NRXN3: variants seen among roughly 807,000 people sequenced by gnomAD.
NRXN3 encodes the protein neurexin 3, also known as neurexin III.
In NRXN3, 32 loss-of-function variants were observed where a neutral mutation model predicts 137.6. That is an observed-to-expected ratio of 0.23 (90% CI 0.18 to 0.31). The LOEUF (loss-of-function observed/expected upper bound fraction) is 0.31. Ranked by LOEUF, NRXN3 falls within the 10% of genes least tolerant of loss-of-function variation. The probability of loss-of-function intolerance (pLI) is 1.00; values close to 1 mark genes in which losing one functional copy is unlikely to be tolerated. For missense variants in NRXN3, 1,574 were observed against 2,062.5 expected, an observed-to-expected ratio of 0.76 and a Z score of 4.59; for synonymous variants, 798 against 784.5, an observed-to-expected ratio of 1.02 and a Z score of -0.29.
chr14:78,917,298 G>C (rs953753711), intron 10 of NRXN3, among the ~76,000 whole-genome samples: 2 of 152,088 alleles, frequency 1.3e-5, no homozygotes, highest in African/African-American at 4.8e-5. Context: ...AAAACACTGG[G>C]GCTTACTTCA....
chr14:78,812,153 A>G (rs984242154), intron 10 of NRXN3, among the ~76,000 whole-genome samples: 1 of 152,114 alleles, frequency 6.6e-6, no homozygotes, highest in Admixed American at 6.6e-5. Context: ...CATCATCCCC[A>G]AGATTTCTTT....
chr14:79,252,234 A>G (rs1015962705), intron 15 of NRXN3, among the ~76,000 whole-genome samples: 1 of 152,166 alleles, frequency 6.6e-6, no homozygotes, highest in African/African-American at 2.4e-5. Flanking sequence ...GCATAACACT[A>G]ATGCATAATA....
At chr14:78,666,076 A>G (rs1054062775) in intron 6 of NRXN3, among the ~76,000 whole-genome samples, 1 of 152,136 alleles carries the variant, frequency 6.6e-6, no homozygotes, top group Non-Finnish European at 1.5e-5. Flanking sequence ...TTCTTGCAGT[A>G]TATATCTATA....
intron 4 of NRXN3, among the ~76,000 whole-genome samples, chr14:78,560,414 G>A (rs2096775883): frequency 6.6e-6 from 1 of 152,186 alleles, no homozygotes; most frequent in African/African-American, 2.4e-5. Context: ...CAACCTTGCT[G>A]GGCAGAGTGC....
At chr14:79,529,456 T>G (rs932127111) in intron 16 of NRXN3, among the ~76,000 whole-genome samples, 2 of 152,212 alleles carry the variant, frequency 1.3e-5, no homozygotes, top group Non-Finnish European at 2.9e-5. Flanking sequence ...TGTTTTTTCT[T>G]AAAACAGGTA....
At chr14:78,615,619 C>T (rs1007381751) in intron 4 of NRXN3, among the ~76,000 whole-genome samples, 1 of 151,308 alleles carries the variant, frequency 6.6e-6, no homozygotes, top group South Asian at 2.1e-4. Flanking sequence ...TCAAAAACAA[C>T]AACAACAACA....
At chr14:78,515,922 A>G (rs1435691941) in intron 4 of NRXN3, among the ~76,000 whole-genome samples, 1 of 152,144 alleles carries the variant, frequency 6.6e-6, no homozygotes, top group Non-Finnish European at 1.5e-5. Context: ...TCCAAATTGG[A>G]TGAGCGCCTT....
chr14:78,893,606 C>A (rs1337330261), intron 10 of NRXN3, among the ~76,000 whole-genome samples: 1 of 151,966 alleles, frequency 6.6e-6, no homozygotes, highest in Non-Finnish European at 1.5e-5. Flanking sequence ...TCCCCACATC[C>A]TAATGGAATT....
intron 15 of NRXN3, among the ~76,000 whole-genome samples, chr14:79,119,190 A>T (rs1306129311): frequency 6.6e-6 from 1 of 152,186 alleles, no homozygotes; most frequent in East Asian, 1.9e-4. Flanking sequence ...ACTTAAACTT[A>T]AATCTATAGT....
intron 15 of NRXN3, among the ~76,000 whole-genome samples, chr14:79,061,623 G>C (rs972530750): frequency 6.6e-6 from 1 of 152,184 alleles, no homozygotes; most frequent in Non-Finnish European, 1.5e-5. Context: ...GTGAAACAAT[G>C]AACTGGCATT....
intron 16 of NRXN3, among the ~76,000 whole-genome samples, chr14:79,592,691 TAAGTA>T (rs1274791496): frequency 7.2e-5 from 11 of 152,150 alleles, no homozygotes; most frequent in Non-Finnish European, 1.3e-4. Flanking sequence ...TTCACTTTCT[TAAGTA>T]AAGAAAAACA....
At chr14:78,197,225 C>T (rs578026734) in intron 1 of NRXN3, among the ~76,000 whole-genome samples, 2 of 152,320 alleles carry the variant, frequency 1.3e-5, no homozygotes, top group East Asian at 1.9e-4. Context: ...CGCTCAGTGG[C>T]GTGCATGCAT....
intron 15 of NRXN3, among the ~76,000 whole-genome samples, chr14:79,053,418 C>A (rs895436505): frequency 6.6e-6 from 1 of 152,154 alleles, no homozygotes; most frequent in Non-Finnish European, 1.5e-5. Context: ...GGCTCCCTGG[C>A]TCCAAAGCTC....
intron 16 of NRXN3, among the ~76,000 whole-genome samples, chr14:79,585,683 T>TAAAAA (rs1264605001): frequency 0.018 from 1,357 of 75,536 alleles, 71 homozygotes; most frequent in African/African-American, 0.063. Context: ...GACTCCATCT[T>TAAAAA]AAAAAAAAAA....
At chr14:78,279,513 A>T (rs1272610548) in intron 3 of NRXN3, 1 of 152,218 alleles carries the variant, frequency 6.6e-6, no homozygotes, top group Non-Finnish European at 1.5e-5. Context: ...GTGTTTTCAC[A>T]TGTTTTCTTG....
chr14:78,331,699 A>G (rs553660291), intron 4 of NRXN3, among the ~76,000 whole-genome samples: 4 of 152,322 alleles, frequency 2.6e-5, no homozygotes, highest in African/African-American at 7.2e-5. Flanking sequence ...TTCACTTCCA[A>G]AGAAATGACT....
intron 2 of NRXN3, among the ~76,000 whole-genome samples, chr14:78,274,436 AG>A (rs1345075499): frequency 1.3e-5 from 2 of 152,200 alleles, no homozygotes; most frequent in African/African-American, 4.8e-5. Context: ...CACTACCACA[AG>A]AACAGCATGA....
chr14:79,692,288 T>G, intron 18 of NRXN3, 26 bp downstream of exon 18: 1 of 1,531,570 alleles, frequency 6.5e-7, no homozygotes, highest in Non-Finnish European at 9.0e-7. Flanking sequence ...ACTTTCATTT[T>G]AAAATCATTT....
chr14:79,346,829 A>G (rs2092910808), intron 15 of NRXN3, among the ~76,000 whole-genome samples: 1 of 152,200 alleles, frequency 6.6e-6, no homozygotes, highest in African/African-American at 2.4e-5. Context: ...ACTTATTTAC[A>G]TGGATACTAT....
Sources: allele counts gnomAD v4.1 joint callset (sites outside exome capture counted in the v4.1 genomes callset), GRCh38; gene constraint gnomAD v4.1.1; transcripts MANE v1.5; gene names NCBI Gene and HGNC (gene_info 2026-07-23, HGNC 2026-07-21).